Variants in ABLIM1 observed in about 807,000 individuals in gnomAD.
ABLIM1 encodes actin binding LIM protein 1.
Under a neutral mutation model 107.0 loss-of-function variants are expected in ABLIM1, and 40 were observed. The observed-to-expected ratio is 0.37, with a 90% confidence interval of 0.29 to 0.49. ABLIM1 has a LOEUF of 0.49. ABLIM1 is among the 20% of genes least tolerant of loss of function. The probability of loss-of-function intolerance (pLI) is 0.97; values close to 1 mark genes in which losing one functional copy is unlikely to be tolerated. For missense variants in ABLIM1, 857 were observed against 1,008.5 expected, an observed-to-expected ratio of 0.85 and a Z score of 2.04; for synonymous variants, 357 against 357.3, an observed-to-expected ratio of 1.00 and a Z score of 0.01.
At chr10:114,690,508 C>T (rs1291561264) in intron 1 of ABLIM1, 1 of 1,488,398 alleles carries the variant, frequency 6.7e-7, no homozygotes, top group Non-Finnish European at 9.4e-7. Flanking sequence ...CAACCAAATC[C>T]TTTCTCTCCC....
chr10:114,741,941 G>C (rs1007070551), intron 1 of ABLIM1, among the ~76,000 whole-genome samples: 3 of 152,190 alleles, frequency 2.0e-5, no homozygotes, highest in Non-Finnish European at 4.4e-5. Context: ...GTCATAAAAA[G>C]CATCCTGTAG....
chr10:114,698,508 G>GA (rs1039321160), intron 1 of ABLIM1, among the ~76,000 whole-genome samples: 25 of 151,470 alleles, frequency 1.7e-4, no homozygotes, highest in Middle Eastern at 3.4e-3. Flanking sequence ...GAGAGAAACT[G>GA]AAAAAAACAG....
chr10:114,795,911 C>CT, the ABLIM1 span, among the ~76,000 whole-genome samples: 3 of 151,956 alleles, frequency 2.0e-5, no homozygotes, highest in South Asian at 6.2e-4. Flanking sequence ...GAAAGCATGT[C>CT]CTTGTTTTTA....
intron 6 of ABLIM1, among the ~76,000 whole-genome samples, chr10:114,500,893 T>C (rs1459187517): frequency 6.6e-6 from 1 of 152,116 alleles, no homozygotes. Flanking sequence ...TCTTCCTCTC[T>C]TTCCCACTAG....
At chr10:114,604,566 G>A (rs978268940) in intron 1 of ABLIM1, among the ~76,000 whole-genome samples, 1 of 152,298 alleles carries the variant, frequency 6.6e-6, no homozygotes, top group Middle Eastern at 3.4e-3. Context: ...CTAGGAGTGG[G>A]AGTCAGGCAT....
At chr10:114,744,121 C>T (rs2142325874) in intron 1 of ABLIM1, among the ~76,000 whole-genome samples, 1 of 152,242 alleles carries the variant, frequency 6.6e-6, no homozygotes, top group East Asian at 1.9e-4. Flanking sequence ...ATATCACAGG[C>T]CTCATTCTGG....
At chr10:114,793,050 GCTGAGGTATGAGAATCACTTGAAC>G in the ABLIM1 span, among the ~76,000 whole-genome samples, 1 of 152,298 alleles carries the variant, frequency 6.6e-6, no homozygotes, top group East Asian at 1.9e-4. Context: ...TACTCAGGAG[GCTGAGGTATGAGAATCACTTGAAC>G]CTGGGAGGCA....
Position 114,436,304 on chromosome 10 carries a change from G to C in ABLIM1, c.2293C>G (p.Leu765Val), listed in dbSNP as rs1465413555. The C allele has an allele frequency of 6.2e-7, 1 of 1,613,984 alleles. No individual in the cohort carries two copies. Among genetic ancestry groups the C allele is most frequent in the East Asian group, 2.2e-5 (1 of 44,878 alleles). ...TTCTTCATGTCGTTGCGTCTCCAAA[G>C]AGGTAACCTGTCAAACTCCTGTATG... is the stretch of plus-strand genomic sequence containing the variant. ...MSIQEFDRLPLWRRNDMKKKA... is the reference protein window; with the variant it reads ...MSIQEFDRLPVWRRNDMKKKA... Residue 765 changes from leucine to valine, a missense_variant, in exon 23 of 23, where the codon CTT becomes GTT. By Grantham distance (32) the Leu-to-Val change is conservative. This residue lies in a region of ABLIM1 where 193 missense variants were observed against 208.5 expected (regional missense o/e 0.93). Transcript: ENST00000533213.
intron 1 of ABLIM1, among the ~76,000 whole-genome samples, chr10:114,627,810 T>C (rs2077913001): frequency 6.6e-6 from 1 of 152,210 alleles, no homozygotes; most frequent in African/African-American, 2.4e-5. Context: ...GGTGGTCTGA[T>C]TGACTTTCCA....
intron 2 of ABLIM1, among the ~76,000 whole-genome samples, chr10:114,576,391 G>A (rs1221374446): frequency 1.3e-5 from 2 of 152,176 alleles, no homozygotes; most frequent in African/African-American, 4.8e-5. Context: ...TCTGCCAAAT[G>A]GCTGAGAAGC....
At chr10:114,573,451 G>A (rs2072001298) in intron 3 of ABLIM1, among the ~76,000 whole-genome samples, 1 of 152,216 alleles carries the variant, frequency 6.6e-6, no homozygotes, top group Non-Finnish European at 1.5e-5. Context: ...TGGCTCAAAT[G>A]TCCAGGGACA....
intron 1 of ABLIM1, among the ~76,000 whole-genome samples, chr10:114,750,072 AT>A (rs978480001): frequency 5.3e-5 from 8 of 152,072 alleles, no homozygotes; most frequent in Admixed American, 2.6e-4. Context: ...ACTGGCAAGG[AT>A]TTTTTTTTAA....
At chr10:114,634,123 A>ATTTTTTTTTT (rs1209219359) in intron 1 of ABLIM1, among the ~76,000 whole-genome samples, 8 of 68,210 alleles carry the variant, frequency 1.2e-4, no homozygotes, top group African/African-American at 3.8e-4. Context: ...CATTAGCTCA[A>ATTTTTTTTTT]TTTTTCTTTT....
At chr10:114,703,423 G>T (rs1366724771) in intron 1 of ABLIM1, among the ~76,000 whole-genome samples, 2 of 152,212 alleles carry the variant, frequency 1.3e-5, no homozygotes, top group African/African-American at 4.8e-5. Flanking sequence ...CTTCCAGCAG[G>T]TCCCTGTTTT....
chr10:114,699,022 A>G (rs745735002), intron 1 of ABLIM1, among the ~76,000 whole-genome samples: 5 of 151,866 alleles, frequency 3.3e-5, no homozygotes, highest in Non-Finnish European at 5.9e-5. Context: ...AACATCTTCA[A>G]GAAAGTAGAT....
chr10:114,702,827 T>C (rs1163370881), intron 1 of ABLIM1, among the ~76,000 whole-genome samples: 1 of 152,154 alleles, frequency 6.6e-6, no homozygotes, highest in African/African-American at 2.4e-5. Flanking sequence ...TAACACATCA[T>C]AGCTAGAATT....
At chr10:114,579,479 A>G (rs1481664418) in intron 2 of ABLIM1, among the ~76,000 whole-genome samples, 1 of 152,254 alleles carries the variant, frequency 6.6e-6, no homozygotes, top group East Asian at 1.9e-4. Flanking sequence ...GTGAGTTAAC[A>G]TAAACAGAAC....
upstream of ABLIM1, among the ~76,000 whole-genome samples, chr10:114,658,918 A>C (rs1039772816): frequency 1.3e-5 from 2 of 152,208 alleles, no homozygotes; most frequent in African/African-American, 4.8e-5. Context: ...TCAGCTTTAC[A>C]CAAAGTTACA....
At chr10:114,452,356 T>C (rs1229323957) in intron 13 of ABLIM1, among the ~76,000 whole-genome samples, 1 of 152,070 alleles carries the variant, frequency 6.6e-6, no homozygotes, top group East Asian at 1.9e-4. Context: ...TTTCAAAAGG[T>C]TTCTGTTTCC....
Sources: allele counts gnomAD v4.1 joint callset (sites outside exome capture counted in the v4.1 genomes callset), GRCh38; gene constraint gnomAD v4.1.1; regional missense constraint gnomAD v4.1.1; transcripts MANE v1.5; gene names NCBI Gene and HGNC (gene_info 2026-07-23, HGNC 2026-07-21).